Variants in RAB4B observed in about 807,000 individuals in gnomAD.
RAB4B encodes ras-related protein Rab-4B.
A neutral mutation model predicts 28.3 loss-of-function variants in RAB4B; 15 were observed. That is an observed-to-expected ratio of 0.53 (90% CI 0.35 to 0.82). The LOEUF is 0.82. RAB4B is among the 40% of genes least tolerant of loss of function. The probability of loss-of-function intolerance (pLI) is 0.01; values close to 1 mark genes in which losing one functional copy is unlikely to be tolerated. For missense variants in RAB4B, 244 were observed against 288.5 expected (o/e 0.85, Z 1.12); for synonymous variants, 108 against 116.3 (o/e 0.93, Z 0.46).
intron 7 of RAB4B, among the ~76,000 whole-genome samples, chr19:40,790,856 ATTTT>A (rs35337272): frequency 8.6e-6 from 1 of 116,194 alleles, no homozygotes. Context: ...TAATTTTTGT[ATTTT>A]TTTTTTTTTT....
At chr19:40,789,142 A>G (rs1198870487) in intron 7 of RAB4B, among the ~76,000 whole-genome samples, 1 of 147,522 alleles carries the variant, frequency 6.8e-6, no homozygotes, top group Non-Finnish European at 1.5e-5. Context: ...TGATCCACCC[A>G]CTCTTGGCCT....
rs1216684993 is a variant in RAB4B at position 40,796,837 on chromosome 19, T to C, written c.*283T>C. The C allele has an allele frequency of 6.5e-6, 1 of 152,890 alleles. No individual in the cohort carries two copies. The highest frequency in any genetic ancestry group is 1.5e-5 in the Non-Finnish European group (1 of 68,202). The allele number at this position is 152,890 out of a possible 1,614,324, so 9.5% of individuals were successfully genotyped here. A position where few individuals can be genotyped will look rare whatever the true frequency, so the allele number is the denominator to read the frequency against. On this transcript the variant is annotated 3_prime_UTR_variant, in exon 8 of 8. Transcript: ENST00000357052. ...CCCAAAGCCTGAGACCAGGGTCATT[T>C]GTCCCCAACTCCCCATCTGGCCCTG...
At chr19:40,787,777 C>G (rs1055246838) in intron 7 of RAB4B, among the ~76,000 whole-genome samples, 1 of 151,342 alleles carries the variant, frequency 6.6e-6, no homozygotes. Flanking sequence ...GCCTGGCCAA[C>G]GTGGTGAAAC....
intron 7 of RAB4B, among the ~76,000 whole-genome samples, chr19:40,788,852 C>T (rs1398851230): frequency 2.1e-5 from 3 of 143,978 alleles, no homozygotes; most frequent in African/African-American, 2.6e-5. Flanking sequence ...TGCAGTGGCA[C>T]GATCTTGGTT....
At position 40,787,088 on chromosome 19, in the gene RAB4B, G is replaced by T. The variant is rs186330868; in HGVS notation, c.*15+110G>T. The stretch of plus-strand genomic sequence containing the variant: ...GACAAGAGAAACAGAGTGAGAGAAA[G>T]ATGCAAAAACACACAAGCTAAAGGA... On this transcript the variant is annotated intron_variant, in intron 7 of 7. Coordinates refer to ENST00000357052, the MANE Select transcript of RAB4B (RefSeq NM_016154.5). 412 of 1,044,544 alleles carry T rather than the reference G, an allele frequency of 3.9e-4. 3 individuals carry two copies. The African/African-American group carries it at 5.7e-3, about 15-fold the overall frequency. The allele number at this position is 1,044,544 out of a possible 1,614,324, so 64.7% of individuals were successfully genotyped here. A position where few individuals can be genotyped will look rare whatever the true frequency, so the allele number is the denominator to read the frequency against.
At chr19:40,785,104 C>T (rs533338248) in intron 5 of RAB4B, among the ~76,000 whole-genome samples, 50 of 151,882 alleles carry the variant, frequency 3.3e-4, no homozygotes, top group Non-Finnish European at 6.8e-4. Context: ...TGAGACACTG[C>T]GCCCGGTGAA....
rs2083014823 is a variant in RAB4B at position 40,778,360 on chromosome 19, C to A, written c.-16C>A. ...CGCGGCGCCATATTGCGGCCCTCAGCGGCCGCGACCGAGTCATGGCTGAGA... is the reference window on the plus strand; with the variant it reads ...CGCGGCGCCATATTGCGGCCCTCAGAGGCCGCGACCGAGTCATGGCTGAGA... On this transcript the variant is annotated 5_prime_UTR_variant, in exon 1 of 8. Transcript: ENST00000357052. 1 of 1,479,828 alleles carries A rather than the reference C, an allele frequency of 6.8e-7. No homozygotes were observed. The highest frequency in any genetic ancestry group is 8.9e-7 in the Non-Finnish European group (1 of 1,123,548). The allele number at this position is 1,479,828 out of a possible 1,614,324, so 91.7% of individuals were successfully genotyped here.
At chr19:40,782,877 G>A (rs2083062517) in intron 3 of RAB4B, among the ~76,000 whole-genome samples, 1 of 151,518 alleles carries the variant, frequency 6.6e-6, no homozygotes, top group Non-Finnish European at 1.5e-5. Flanking sequence ...AGTGGCTCAC[G>A]CCTGTAATCC....
chr19:40,781,435 G>A (rs1242138455), intron 3 of RAB4B, among the ~76,000 whole-genome samples: 1 of 152,070 alleles, frequency 6.6e-6, no homozygotes, highest in East Asian at 1.9e-4. Flanking sequence ...TTGAATGAAT[G>A]AATGCACGAA....
At chr19:40,788,499 A>G (rs1458735825) in intron 7 of RAB4B, among the ~76,000 whole-genome samples, 1 of 150,502 alleles carries the variant, frequency 6.6e-6, no homozygotes, top group Non-Finnish European at 1.5e-5. Context: ...AAAAAAAAAA[A>G]AAAAGTAAAG....
chr19:40,780,294 T>C, intron 2 of RAB4B, 91 bp from the exon 3 acceptor site: 3 of 1,453,138 alleles, frequency 2.1e-6, no homozygotes, highest in Non-Finnish European at 2.8e-6. Context: ...AGAATGGGTT[T>C]GTAGAGACTG....
chr19:40,787,491 C>T (rs1487506977), intron 7 of RAB4B, among the ~76,000 whole-genome samples: 2 of 150,774 alleles, frequency 1.3e-5, no homozygotes, highest in African/African-American at 4.9e-5. Context: ...GCTGAGATCA[C>T]ACCATTGCAC....
intron 7 of RAB4B, among the ~76,000 whole-genome samples, chr19:40,789,953 G>A (rs1050878331): frequency 3.9e-5 from 6 of 152,204 alleles, no homozygotes; most frequent in Non-Finnish European, 5.9e-5. Flanking sequence ...GCCTGGTGTC[G>A]GTGAGGGTGA....
At chr19:40,781,043 A>G (rs1210392154) in intron 3 of RAB4B, among the ~76,000 whole-genome samples, 2 of 145,554 alleles carry the variant, frequency 1.4e-5, no homozygotes, top group African/African-American at 2.5e-5. Flanking sequence ...TGGGAGGCTG[A>G]GGCAGGTGGA....
At chr19:40,786,643 C>T in intron 5 of RAB4B, 22 bp from the exon 6 acceptor site, 1 of 1,613,620 alleles carries the variant, frequency 6.2e-7, no homozygotes, top group Non-Finnish European at 8.5e-7. Context: ...GGGCCCTGAC[C>T]TCAGAGTGTG....
At chr19:40,785,504 T>G (rs972428620) in intron 5 of RAB4B, 1 of 151,952 alleles carries the variant, frequency 6.6e-6, no homozygotes, top group Non-Finnish European at 1.5e-5. Flanking sequence ...GAGAGAGACT[T>G]TGTCTCAAAG....
In RAB4B at chr19:40,786,553, A is replaced by C. The variant is rs530740568; in HGVS notation, c.431-112A>C. Reference sequence around the variant, plus strand: ...ATGGCATGCGCAGAGGCCTGAGGTGAGGGTAAGGGGGGATGGAACATTGGA... The same window carrying C: ...ATGGCATGCGCAGAGGCCTGAGGTGCGGGTAAGGGGGGATGGAACATTGGA... On this transcript the variant is annotated intron_variant, in intron 5 of 7. Coordinates refer to ENST00000357052, the MANE Select transcript of RAB4B (RefSeq NM_016154.5). 142 of 1,500,056 alleles carry C rather than the reference A, an allele frequency of 9.5e-5. No individual in the cohort carries two copies. The African/African-American group carries it at 1.9e-3, about 20-fold the overall frequency. 92.9% of individuals were successfully genotyped at this position (1,500,056 alleles called of 1,614,324 possible). A position where few individuals can be genotyped will look rare whatever the true frequency, so the allele number is the denominator to read the frequency against.
At chr19:40,791,711 G>A (rs952455280) in intron 7 of RAB4B, among the ~76,000 whole-genome samples, 4 of 151,874 alleles carry the variant, frequency 2.6e-5, no homozygotes, top group South Asian at 2.1e-4. Context: ...TCGGCTCACC[G>A]CAACCTCCGC....
At chr19:40,781,572 C>A (rs1035249976) in intron 3 of RAB4B, among the ~76,000 whole-genome samples, 1 of 151,892 alleles carries the variant, frequency 6.6e-6, no homozygotes, top group African/African-American at 2.4e-5. Flanking sequence ...GAGTTTGAGA[C>A]CAGCCTGGGC....
Sources: gnomAD v4.1 joint callset for allele counts (sites outside exome capture counted in the v4.1 genomes callset) on GRCh38, gnomAD v4.1.1 for gene constraint, MANE v1.5 for transcripts, NCBI Gene and HGNC (gene_info 2026-07-23, HGNC 2026-07-21) for gene names.